WDPCP: variants seen among roughly 807,000 people sequenced by gnomAD.
The protein encoded by WDPCP is WD repeat containing planar cell polarity effector.
WDPCP carries 71 observed loss-of-function variants against 93.1 expected under a neutral mutation model. The observed-to-expected ratio is 0.76, with a 90% confidence interval of 0.63 to 0.93. The LOEUF is 0.93. WDPCP is among the 40% of genes least tolerant of loss of function. The pLI, the probability that WDPCP is intolerant of heterozygous loss-of-function variation, is 0.00. For synonymous variants in WDPCP, 315 were observed against 315.0 expected, an observed-to-expected ratio of 1.00 and a Z score of 0.00; for missense variants, 844 against 887.4, an observed-to-expected ratio of 0.95 and a Z score of 0.62.
chr2:63,729,454 T>C lies in WDPCP; in HGVS notation n.309-78616A>G, dbSNP rs1455265. On this transcript the variant is annotated intron_variant and non_coding_transcript_variant, in intron 2 of 4. Transcript: ENST00000467687. ...GGGGGTTGCAGATTCAGTTTGTATTTTTCAGGAAACACATAGCCCCAGTTA... is the reference window on the plus strand; with the variant it reads ...GGGGGTTGCAGATTCAGTTTGTATTCTTCAGGAAACACATAGCCCCAGTTA... Among the ~76,000 whole-genome samples, 958 of 152,206 alleles carry C rather than the reference T, an allele frequency of 6.3e-3. 15 individuals are homozygous for C. The highest frequency in any genetic ancestry group is 0.021 in the African/African-American group (887 of 41,514).
At chr2:63,472,347 A>G (rs1699741262) in intron 6 of WDPCP, among the ~76,000 whole-genome samples, 1 of 151,164 alleles carries the variant, frequency 6.6e-6, no homozygotes, top group South Asian at 2.1e-4. Context: ...ATTTTCTTTT[A>G]TTATTTCTTT....
At chr2:63,302,073 T>A (rs909080812) in intron 13 of WDPCP, among the ~76,000 whole-genome samples, 1 of 152,138 alleles carries the variant, frequency 6.6e-6, no homozygotes, top group Admixed American at 6.5e-5. Flanking sequence ...ATCCCCCTCA[T>A]TTGGGGCCCC....
intron 3 of WDPCP, among the ~76,000 whole-genome samples, chr2:63,641,149 T>A (rs1163651104): frequency 3.3e-5 from 5 of 152,206 alleles, no homozygotes; most frequent in Admixed American, 3.3e-4. Flanking sequence ...ATGACAGGAT[T>A]TCATTCTTTT....
At chr2:63,734,827 A>G (rs1035343015) in intron 2 of WDPCP, among the ~76,000 whole-genome samples, 1 of 152,106 alleles carries the variant, frequency 6.6e-6, no homozygotes, top group Admixed American at 6.6e-5. Context: ...ATAGGCTGAG[A>G]AATTTTAAGT....
chr2:63,804,399 C>A lies in WDPCP; in HGVS notation n.308+9223G>T, dbSNP rs149880909. Among the ~76,000 whole-genome samples the A allele has an allele frequency of 1.3e-3, 193 of 152,012 alleles. 3 individuals carry two copies. The East Asian group carries it at 0.02, about 16-fold the overall frequency. ...CCCGAGTAGCTGGGACTACAGGCAC[C>A]TGCCACCACACCCGGCTAATTTTTT... On this transcript the variant is annotated intron_variant and non_coding_transcript_variant, in intron 2 of 4. Coordinates refer to the WDPCP transcript ENST00000467687.
chr2:63,677,333 C>A (rs1360177845), intron 2 of WDPCP, among the ~76,000 whole-genome samples: 1 of 152,086 alleles, frequency 6.6e-6, no homozygotes. Context: ...CAAGACAAGA[C>A]TTCATACAAA....
intron 11 of WDPCP, 152 bp from the exon 12 acceptor site, chr2:63,378,661 C>T: frequency 1.9e-6 from 2 of 1,059,110 alleles, no homozygotes; most frequent in South Asian, 1.4e-5. Flanking sequence ...ACAGCTGGTA[C>T]AAAAACAAAC....
intron 14 of WDPCP, among the ~76,000 whole-genome samples, chr2:63,199,265 T>C (rs1291591615): frequency 3.1e-5 from 4 of 128,704 alleles, no homozygotes; most frequent in African/African-American, 5.3e-5. Context: ...AAAAATCTAC[T>C]TTCTGGGAGG....
At chr2:63,821,586 T>C (rs771891774) in intron 1 of WDPCP, among the ~76,000 whole-genome samples, 7 of 152,094 alleles carry the variant, frequency 4.6e-5, no homozygotes, top group Non-Finnish European at 7.4e-5. Context: ...AAGATCAGAT[T>C]TGTGTTTTGA....
chr2:63,718,638 TTCTATA>T (rs1669371149), intron 2 of WDPCP, among the ~76,000 whole-genome samples: 1 of 152,226 alleles, frequency 6.6e-6, no homozygotes, highest in Non-Finnish European at 1.5e-5. Flanking sequence ...TCCTTGTAGA[TTCTATA>T]TATTAGCCAT....
intron 15 of WDPCP, among the ~76,000 whole-genome samples, chr2:63,158,105 T>G (rs1336510067): frequency 6.6e-6 from 1 of 152,206 alleles, no homozygotes. Flanking sequence ...GTTTGTTAAT[T>G]TCTAAGCGTT....
rs10194190 is a variant in WDPCP at position 63,645,099 on chromosome 2, G to A, written n.488+5560C>T. On this transcript the variant is annotated intron_variant and non_coding_transcript_variant, in intron 3 of 4. Coordinates refer to the WDPCP transcript ENST00000467687. ...GTTATTTAAGATGCATTGTTAGGTCGTCTACCTGAAGCTTTTTTTCTTTTT... is the reference window on the plus strand; with the variant it reads ...GTTATTTAAGATGCATTGTTAGGTCATCTACCTGAAGCTTTTTTTCTTTTT... Among the ~76,000 whole-genome samples, 134 of 151,838 alleles carry A rather than the reference G, an allele frequency of 8.8e-4. No homozygotes were observed. The Middle Eastern group carries it at 0.01, about 12-fold the overall frequency.
At chr2:63,597,796 G>A in intron 3 of WDPCP, 1 of 329,680 alleles carries the variant, frequency 3.0e-6, no homozygotes, top group East Asian at 4.9e-5. Context: ...TTTCCTATTA[G>A]TATAACGTGA....
chr2:63,592,411 C>T (rs1312676256), upstream of WDPCP, among the ~76,000 whole-genome samples: 4 of 152,212 alleles, frequency 2.6e-5, no homozygotes, highest in African/African-American at 9.6e-5. Flanking sequence ...AGTGCACTCA[C>T]ACAGTAATGG....
intron 14 of WDPCP, among the ~76,000 whole-genome samples, chr2:63,190,671 T>C (rs1174037592): frequency 1.3e-5 from 2 of 152,126 alleles, no homozygotes; most frequent in Non-Finnish European, 2.9e-5. Context: ...ACAGCTATAA[T>C]ATGTGATTAT....
intron 6 of WDPCP, among the ~76,000 whole-genome samples, chr2:63,455,695 G>C (rs1698579054): frequency 6.6e-6 from 1 of 152,102 alleles, no homozygotes; most frequent in Non-Finnish European, 1.5e-5. Context: ...AATATTGCCA[G>C]ATCTAATGAA....
intron 2 of WDPCP, among the ~76,000 whole-genome samples, chr2:63,760,024 G>A (rs1670032479): frequency 6.6e-6 from 1 of 152,218 alleles, no homozygotes; most frequent in African/African-American, 2.4e-5. Context: ...TGGGCTTCAG[G>A]GAATAGGGGA....
intron 13 of WDPCP, among the ~76,000 whole-genome samples, chr2:63,276,277 A>T (rs1683083364): frequency 6.6e-6 from 1 of 152,182 alleles, no homozygotes; most frequent in Non-Finnish European, 1.5e-5. Context: ...CCACCAAATG[A>T]GAAGGGACCA....
At chr2:63,202,618 C>T (rs1217909119) in intron 14 of WDPCP, among the ~76,000 whole-genome samples, 1 of 152,138 alleles carries the variant, frequency 6.6e-6, no homozygotes, top group Non-Finnish European at 1.5e-5. Flanking sequence ...GTAACTTCTG[C>T]TTAATGAAAG....
Sources: gnomAD v4.1 joint callset for allele counts (sites outside exome capture counted in the v4.1 genomes callset) on GRCh38, gnomAD v4.1.1 for gene constraint, MANE v1.5 for transcripts, NCBI Gene and HGNC (gene_info 2026-07-23, HGNC 2026-07-21) for gene names.